The following CSMD1 variants were observed in gnomAD, a reference collection of about 807,000 sequenced individuals.
CSMD1 encodes CUB and sushi domain-containing protein 1.
Under a neutral mutation model 417.5 loss-of-function variants are expected in CSMD1, and 213 were observed. The observed-to-expected ratio is 0.51, with a 90% CI of 0.46 to 0.57. CSMD1 has a LOEUF of 0.57. Ranked by LOEUF, CSMD1 falls within the 20% of genes least tolerant of loss-of-function variation. The pLI is 0.00. For missense variants in CSMD1, 6,923 were observed against 4,529.7 expected, an observed-to-expected ratio of 1.53 and a Z score of -15.17; for synonymous variants, 2,862 against 1,736.8, an observed-to-expected ratio of 1.65 and a Z score of -16.11.
At chr8:3,285,213 A>G (rs1482910562) in intron 25 of CSMD1, among the ~76,000 whole-genome samples, 1 of 152,154 alleles carries the variant, frequency 6.6e-6, no homozygotes, top group Middle Eastern at 3.2e-3. Flanking sequence ...ACGAGTCTCA[A>G]CTGCTTTGTT....
intron 1 of CSMD1, among the ~76,000 whole-genome samples, chr8:4,741,503 G>A (rs138496463): frequency 2.4e-4 from 37 of 152,116 alleles, no homozygotes; most frequent in African/African-American, 6.5e-4. Flanking sequence ...AGTAGAATCC[G>A]TAAGCATGAT....
intron 10 of CSMD1, among the ~76,000 whole-genome samples, chr8:3,511,825 TAAATA>T (rs1159627354): frequency 2.7e-4 from 37 of 136,160 alleles, no homozygotes; most frequent in African/African-American, 8.9e-4. Flanking sequence ...AACATAACAA[TAAATA>T]AAATAAAATA....
chr8:4,077,854 C>A (rs1799915956), intron 3 of CSMD1, among the ~76,000 whole-genome samples: 1 of 151,948 alleles, frequency 6.6e-6, no homozygotes, highest in African/African-American at 2.4e-5. Context: ...CCTAAATATG[C>A]CTCCTTCCTT....
chr8:4,714,317 C>G (rs1808506678), intron 1 of CSMD1, among the ~76,000 whole-genome samples: 1 of 151,990 alleles, frequency 6.6e-6, no homozygotes, highest in African/African-American at 2.4e-5. Context: ...GAAATCTAGA[C>G]CTTTCTCACA....
At chr8:3,316,449 C>T (rs966503220) in intron 23 of CSMD1, among the ~76,000 whole-genome samples, 4 of 152,056 alleles carry the variant, frequency 2.6e-5, no homozygotes, top group African/African-American at 7.2e-5. Context: ...TAAAACAACA[C>T]GATGAATGCT....
chr8:4,946,280 C>CT (rs1808365819), intron 1 of CSMD1, among the ~76,000 whole-genome samples: 1 of 152,246 alleles, frequency 6.6e-6, no homozygotes, highest in East Asian at 1.9e-4. Context: ...ATGAAGAAAG[C>CT]TTTTTCCCAA....
intron 3 of CSMD1, among the ~76,000 whole-genome samples, chr8:4,059,571 G>A (rs9773675): frequency 1.5e-5 from 2 of 136,792 alleles, no homozygotes; most frequent in African/African-American, 2.7e-5. Context: ...AAAAAAGAGA[G>A]AAGAATCAAA....
chr8:4,281,059 T>G (rs1223217489), intron 3 of CSMD1, among the ~76,000 whole-genome samples: 2 of 152,186 alleles, frequency 1.3e-5, no homozygotes, highest in Non-Finnish European at 2.9e-5. Flanking sequence ...CTTCATGTGT[T>G]CACCTTCCAA....
chr8:4,603,944 T>C (rs1800731420), intron 2 of CSMD1, among the ~76,000 whole-genome samples: 2 of 152,286 alleles, frequency 1.3e-5, no homozygotes, highest in African/African-American at 4.8e-5. Context: ...TGATCACTAA[T>C]GTACATCTAT....
chr8:3,309,969 A>ACAT (rs1337429991), intron 23 of CSMD1, among the ~76,000 whole-genome samples: 3 of 152,168 alleles, frequency 2.0e-5, no homozygotes, highest in African/African-American at 4.8e-5. Context: ...ACCAACCATG[A>ACAT]CATTATTATT....
intron 1 of CSMD1, among the ~76,000 whole-genome samples, chr8:4,955,127 G>T (rs76475561): frequency 4.6e-5 from 7 of 152,018 alleles, no homozygotes; most frequent in Non-Finnish European, 1.0e-4. Flanking sequence ...GGGACTCTTT[G>T]GCTGCACCTC....
chr8:3,475,284 C>A lies in CSMD1; in HGVS notation c.1449-6460G>T, dbSNP rs370969602. 4.7e-4 allele frequency among the ~76,000 whole-genome samples: 72 copies of A among 152,290 alleles called. No individual in the cohort carries two copies. The East Asian group carries it at 0.013, about 27-fold the overall frequency. The stretch of plus-strand genomic sequence containing the variant: ...TCCACCTTCTTTCAAATTCTGAGCT[C>A]TCTGGGTGCAATTTTATGTCTCTTG... On this transcript the variant is annotated intron_variant, in intron 11 of 69. Coordinates refer to ENST00000635120, the MANE Select transcript of CSMD1 (RefSeq NM_033225.6).
intron 5 of CSMD1, among the ~76,000 whole-genome samples, chr8:3,827,050 G>C (rs1266857633): frequency 6.6e-6 from 1 of 152,080 alleles, no homozygotes; most frequent in Non-Finnish European, 1.5e-5. Context: ...TTGAAGTGTT[G>C]ACATTATAGG....
chr8:3,808,038 G>A (rs1335648098), intron 5 of CSMD1, among the ~76,000 whole-genome samples: 1 of 152,036 alleles, frequency 6.6e-6, no homozygotes, highest in Non-Finnish European at 1.5e-5. Context: ...TTTTTAAATT[G>A]CCTTTTCTAC....
At chr8:4,051,180 CTGCTGAGAATCT>C in intron 3 of CSMD1, among the ~76,000 whole-genome samples, 1 of 15,316 alleles carries the variant, frequency 6.5e-5, no homozygotes, top group Middle Eastern at 0.05. Flanking sequence ...AGCACAATCC[CTGCTGAGAATCT>C]CTGCTGAGAG....
chr8:3,702,361 A>T (rs1272665161), intron 7 of CSMD1: 1 of 152,188 alleles, frequency 6.6e-6, no homozygotes, highest in Non-Finnish European at 1.5e-5. Context: ...TCAAAATAAC[A>T]ACCAATGTTT....
intron 4 of CSMD1, among the ~76,000 whole-genome samples, chr8:4,013,228 C>T (rs1409868435): frequency 1.3e-5 from 2 of 152,088 alleles, no homozygotes; most frequent in African/African-American, 4.8e-5. Flanking sequence ...GGACCTTTCC[C>T]CTCTCCTATC....
chr8:4,659,723 T>C lies in CSMD1; in HGVS notation c.86-22165A>G, dbSNP rs914024685. On this transcript the variant is annotated intron_variant, in intron 1 of 69. Coordinates refer to ENST00000635120, the MANE Select transcript of CSMD1 (RefSeq NM_033225.6). ...CTGTTTCTCATACAGATGGAGGTGGTAGTTATACAACATTGTGAATGTACT... is the reference window on the plus strand; with the variant it reads ...CTGTTTCTCATACAGATGGAGGTGGCAGTTATACAACATTGTGAATGTACT... 2.0e-5 allele frequency among the ~76,000 whole-genome samples: 3 copies of C among 152,276 alleles called. No homozygotes were observed. In the East Asian group the frequency reaches 5.8e-4, roughly 29 times the overall value.
chr8:3,593,934 A>T (rs1426794884), intron 8 of CSMD1, among the ~76,000 whole-genome samples: 1 of 152,138 alleles, frequency 6.6e-6, no homozygotes, highest in Admixed American at 6.5e-5. Flanking sequence ...AATCAGTTAT[A>T]TGGGGAGTTT....
Sources: gnomAD v4.1 joint callset for allele counts (sites outside exome capture counted in the v4.1 genomes callset) on GRCh38, gnomAD v4.1.1 for gene constraint, MANE v1.5 for transcripts, NCBI Gene and HGNC (gene_info 2026-07-23, HGNC 2026-07-21) for gene names.